Variants in CA10 observed in about 807,000 individuals in gnomAD.
CA10 encodes the protein carbonic anhydrase-related protein 10.
Under a neutral mutation model 44.2 loss-of-function variants are expected in CA10, and 14 were observed. That is an observed-to-expected ratio of 0.32 (90% CI 0.21 to 0.50). CA10 has a LOEUF of 0.50. Ranked by LOEUF, CA10 falls within the 20% of genes least tolerant of loss-of-function variation. The pLI is 0.99. For synonymous variants in CA10, 159 were observed against 141.6 expected, an observed-to-expected ratio of 1.12 and a Z score of -0.87; for missense variants, 350 against 409.7, an observed-to-expected ratio of 0.85 and a Z score of 1.26.
chr17:51,916,718 T>C (rs1178347564), intron 3 of CA10, among the ~76,000 whole-genome samples: 1 of 152,136 alleles, frequency 6.6e-6, no homozygotes, highest in Non-Finnish European at 1.5e-5. Context: ...TACAAAGTTG[T>C]ATTAAAAGAG....
rs1034228723 is a variant in CA10, at chr17:52,101,309, C to T, written c.62-28916G>A. On this transcript the variant is annotated intron_variant, in intron 1 of 8. Transcript: ENST00000451037. ...CAATTTTTTTTCTCATATGAGATGG[C>T]GAAGCACCATCTCTGTTAAGACACT... Among the ~76,000 whole-genome samples the T allele has an allele frequency of 3.9e-5, 6 of 152,094 alleles. No individual in the cohort carries two copies. The South Asian group carries it at 1.2e-3, about 32-fold the overall frequency.
At chr17:51,948,569 C>T (rs1983369582) in intron 2 of CA10, among the ~76,000 whole-genome samples, 1 of 152,190 alleles carries the variant, frequency 6.6e-6, no homozygotes, top group African/African-American at 2.4e-5. Flanking sequence ...CAGTTCTGTG[C>T]TCTCCGATGC....
At chr17:51,812,772 C>T (rs917471655) in intron 3 of CA10, among the ~76,000 whole-genome samples, 5 of 152,232 alleles carry the variant, frequency 3.3e-5, no homozygotes, top group Admixed American at 1.3e-4. Context: ...GTCCCACCTG[C>T]TCTCAGGCTG....
At chr17:52,091,180 C>T (rs2143210732) in intron 1 of CA10, among the ~76,000 whole-genome samples, 1 of 152,142 alleles carries the variant, frequency 6.6e-6, no homozygotes, top group Middle Eastern at 3.4e-3. Context: ...GAAGGAAATA[C>T]AACCAAATGT....
intron 3 of CA10, among the ~76,000 whole-genome samples, chr17:51,823,135 C>T (rs972220667): frequency 2.0e-5 from 3 of 152,144 alleles, no homozygotes; most frequent in African/African-American, 4.8e-5. Context: ...TAACAGACAT[C>T]GAAAGTCCAG....
chr17:51,647,246 C>A (rs1468490959), intron 6 of CA10, among the ~76,000 whole-genome samples: 1 of 152,202 alleles, frequency 6.6e-6, no homozygotes, highest in Non-Finnish European at 1.5e-5. Flanking sequence ...GGCCATTCAT[C>A]CTTCTATTCA....
chr17:51,991,944 T>C (rs1177172828), intron 2 of CA10, among the ~76,000 whole-genome samples: 1 of 152,122 alleles, frequency 6.6e-6, no homozygotes, highest in East Asian at 1.9e-4. Context: ...ATCACAGACC[T>C]TATTCACTTA....
intron 2 of CA10, among the ~76,000 whole-genome samples, chr17:52,060,565 TAAA>T: frequency 6.6e-6 from 1 of 152,150 alleles, no homozygotes; most frequent in African/African-American, 2.4e-5. Context: ...CATCCCAAAA[TAAA>T]AAAATTATTT....
intron 4 of CA10, among the ~76,000 whole-genome samples, chr17:51,675,974 G>A (rs186117467): frequency 3.9e-5 from 6 of 152,316 alleles, no homozygotes; most frequent in African/African-American, 1.4e-4. Flanking sequence ...GGGACATGAA[G>A]CACCGTGATG....
chr17:52,125,138 G>A (rs983150102), intron 1 of CA10, among the ~76,000 whole-genome samples: 4 of 152,298 alleles, frequency 2.6e-5, no homozygotes, highest in East Asian at 1.9e-4. Flanking sequence ...CTTAGCTGAC[G>A]TGTCACATTC....
intron 1 of CA10, among the ~76,000 whole-genome samples, chr17:52,149,541 C>G (rs1318782022): frequency 6.6e-6 from 1 of 152,160 alleles, no homozygotes; most frequent in Non-Finnish European, 1.5e-5. Context: ...CCCACCCCAA[C>G]CCCTGACTGC....
intron 3 of CA10, among the ~76,000 whole-genome samples, chr17:51,817,924 G>T (rs1907627098): frequency 6.6e-6 from 1 of 152,214 alleles, no homozygotes; most frequent in African/African-American, 2.4e-5. Flanking sequence ...TGGCAGAGCT[G>T]GAATTGTAAC....
intron 1 of CA10, among the ~76,000 whole-genome samples, chr17:52,076,482 G>T (rs547541954): frequency 6.6e-6 from 1 of 152,312 alleles, no homozygotes; most frequent in South Asian, 2.1e-4. Context: ...TCTTTGATGT[G>T]CATTGTGAAG....
chr17:51,699,555 C>T (rs930267060), intron 4 of CA10, among the ~76,000 whole-genome samples: 7 of 152,006 alleles, frequency 4.6e-5, no homozygotes, highest in East Asian at 3.9e-4. Flanking sequence ...TTAGCTTCAG[C>T]GAAGACATCC....
chr17:51,928,264 T>G (rs1982510422), intron 3 of CA10, among the ~76,000 whole-genome samples: 1 of 152,160 alleles, frequency 6.6e-6, no homozygotes, highest in African/African-American at 2.4e-5. Context: ...TGAACTGCAT[T>G]TTGACTGCAA....
chr17:51,967,629 C>T (rs1984130577), intron 2 of CA10, among the ~76,000 whole-genome samples: 2 of 151,312 alleles, frequency 1.3e-5, no homozygotes, highest in Admixed American at 1.3e-4. Context: ...ATAAGTGGGG[C>T]CTAAACATTG....
intron 1 of CA10, among the ~76,000 whole-genome samples, chr17:52,102,290 T>C (rs1282521977): frequency 6.6e-6 from 1 of 152,234 alleles, no homozygotes; most frequent in Non-Finnish European, 1.5e-5. Flanking sequence ...CTCAAACATG[T>C]CCTTGAGGTC....
chr17:51,988,763 A>G (rs1984934040), intron 2 of CA10, among the ~76,000 whole-genome samples: 1 of 152,028 alleles, frequency 6.6e-6, no homozygotes, highest in Non-Finnish European at 1.5e-5. Flanking sequence ...ACACTGTTCA[A>G]TAGAGATACA....
chr17:52,038,211 GA>G (rs1986671392), intron 2 of CA10, among the ~76,000 whole-genome samples: 1 of 152,164 alleles, frequency 6.6e-6, no homozygotes, highest in Admixed American at 6.5e-5. Context: ...GGGATACAGA[GA>G]ACTGAAGTTT....
Sources: gnomAD v4.1 joint callset for allele counts (sites outside exome capture counted in the v4.1 genomes callset) on GRCh38, gnomAD v4.1.1 for gene constraint, MANE v1.5 for transcripts, NCBI Gene and HGNC (gene_info 2026-07-23, HGNC 2026-07-21) for gene names.